NELL1: variants seen among roughly 807,000 people sequenced by gnomAD.
NELL1 encodes neural EGFL like 1.
NELL1 carries 76 observed loss-of-function variants against 107.4 expected under a neutral mutation model. The ratio of observed to expected loss-of-function variants is 0.71; its 90% CI spans 0.59 to 0.86. NELL1 has a LOEUF of 0.86. Among genes scored for constraint, NELL1 ranks in the 40% least tolerant of loss-of-function variants. The pLI is 0.00. For synonymous variants in NELL1, 353 were observed against 341.2 expected, an observed-to-expected ratio of 1.03 and a Z score of -0.38; for missense variants, 1,024 against 1,005.5, an observed-to-expected ratio of 1.02 and a Z score of -0.25.
intron 15 of NELL1, among the ~76,000 whole-genome samples, chr11:21,463,958 A>G (rs1853962090): frequency 6.6e-6 from 1 of 152,094 alleles, no homozygotes; most frequent in African/African-American, 2.4e-5. Context: ...CGCTGGGCTC[A>G]GCTGACACTC....
chr11:21,420,892 A>C (rs867425326), intron 15 of NELL1, among the ~76,000 whole-genome samples: 6 of 152,276 alleles, frequency 3.9e-5, no homozygotes, highest in Middle Eastern at 3.4e-3. Context: ...TCCCTGAGGA[A>C]ATTGATGACT....
chr11:20,945,982 A>G (rs1009050749), intron 10 of NELL1, among the ~76,000 whole-genome samples: 1 of 152,250 alleles, frequency 6.6e-6, no homozygotes, highest in African/African-American at 2.4e-5. Flanking sequence ...TAAGAATGCC[A>G]GAGGCTGGCC....
At chr11:21,526,320 C>A (rs1406682283) in intron 15 of NELL1, among the ~76,000 whole-genome samples, 1 of 152,334 alleles carries the variant, frequency 6.6e-6, no homozygotes, top group Non-Finnish European at 1.5e-5. Context: ...TGGACAACTC[C>A]GCCACTGTGG....
chr11:21,511,659 C>T (rs964264551), intron 15 of NELL1, among the ~76,000 whole-genome samples: 4 of 152,008 alleles, frequency 2.6e-5, no homozygotes, highest in African/African-American at 7.3e-5. Flanking sequence ...ATTTGAACTG[C>T]GAGCTAAATA....
At chr11:21,080,564 A>C (rs922879235) in intron 12 of NELL1, among the ~76,000 whole-genome samples, 1 of 152,016 alleles carries the variant, frequency 6.6e-6, no homozygotes, top group Non-Finnish European at 1.5e-5. Flanking sequence ...CTGTGGCATG[A>C]TTTATTTAAA....
chr11:20,914,857 T>C (rs1406362905), intron 5 of NELL1, among the ~76,000 whole-genome samples: 1 of 152,020 alleles, frequency 6.6e-6, no homozygotes, highest in Non-Finnish European at 1.5e-5. Context: ...TTATGGAAAG[T>C]ATCAAAATGA....
intron 14 of NELL1, among the ~76,000 whole-genome samples, chr11:21,294,697 C>T (rs1849338458): frequency 6.6e-6 from 1 of 151,964 alleles, no homozygotes; most frequent in South Asian, 2.1e-4. Flanking sequence ...CCTGAGGTCA[C>T]ACAACTAACA....
chr11:21,435,995 T>G (rs1316165212), intron 15 of NELL1, among the ~76,000 whole-genome samples: 1 of 152,168 alleles, frequency 6.6e-6, no homozygotes, highest in Non-Finnish European at 1.5e-5. Context: ...AGGAGACTTT[T>G]ATTACTGATT....
chr11:20,741,749 A>G (rs969426414), intron 2 of NELL1, among the ~76,000 whole-genome samples: 1 of 152,172 alleles, frequency 6.6e-6, no homozygotes, highest in Non-Finnish European at 1.5e-5. Flanking sequence ...AACTTCTCTC[A>G]ATTTTCAGAA....
intron 13 of NELL1, among the ~76,000 whole-genome samples, chr11:21,163,639 A>G (rs970091102): frequency 2.0e-5 from 3 of 152,108 alleles, no homozygotes; most frequent in Admixed American, 6.6e-5. Context: ...ACACAAATTT[A>G]TTTCTCATAG....
intron 5 of NELL1, among the ~76,000 whole-genome samples, chr11:20,912,078 T>A (rs1032217624): frequency 6.6e-6 from 1 of 152,196 alleles, no homozygotes; most frequent in Non-Finnish European, 1.5e-5. Flanking sequence ...GCTTTCAGGT[T>A]AAAATAACAT....
In NELL1 at chr11:21,421,905, G is replaced by C. The variant is rs147978406; in HGVS notation, c.1645+50957G>C. On this transcript the variant is annotated intron_variant, in intron 15 of 19. Transcript: ENST00000357134. ...ATCTGGAAAGCGGCAAGAGAGAAGT[G>C]ACTCATCACATGTGAGGAATCCTCA... 9.5e-4 allele frequency among the ~76,000 whole-genome samples: 144 copies of C among 152,236 alleles called. 1 individual carries two copies. Among genetic ancestry groups the C allele is most frequent in the African/African-American group, 3.3e-3 (138 of 41,552 alleles).
At chr11:20,947,837 G>C (rs1850995019) in intron 11 of NELL1, among the ~76,000 whole-genome samples, 2 of 152,094 alleles carry the variant, frequency 1.3e-5, no homozygotes. Context: ...TGTTGGGCCA[G>C]TTCCCATACT....
chr11:21,484,029 A>C (rs1454701356), intron 15 of NELL1, among the ~76,000 whole-genome samples: 1 of 122,314 alleles, frequency 8.2e-6, no homozygotes, highest in Non-Finnish European at 1.7e-5. Flanking sequence ...ATATATATAT[A>C]TATGTCAAAT....
intron 15 of NELL1, among the ~76,000 whole-genome samples, chr11:21,385,942 C>G (rs1021058078): frequency 3.3e-5 from 5 of 151,716 alleles, no homozygotes; most frequent in African/African-American, 1.2e-4. Context: ...ATATCCAGTC[C>G]CCATCTTTTC....
At position 21,285,491 on chromosome 11, in the gene NELL1, A is replaced by G. The variant is rs115046463; in HGVS notation, c.1549+56037A>G. 3.3e-3 allele frequency among the ~76,000 whole-genome samples: 502 copies of G among 152,118 alleles called. 4 individuals are homozygous for G. The highest frequency in any genetic ancestry group is 0.012 in the African/African-American group (479 of 41,480). On this transcript the variant is annotated intron_variant, in intron 14 of 19. Transcript: ENST00000357134. ...AGCAGAGCTGACATAGAATGCTTCC[A>G]CTCCTTCCTAGATAGCCCATCTTTC...
intron 2 of NELL1, among the ~76,000 whole-genome samples, chr11:20,719,780 G>A (rs563534463): frequency 7.1e-4 from 108 of 152,312 alleles, no homozygotes; most frequent in Middle Eastern, 3.4e-3. Flanking sequence ...TGAAATAAGA[G>A]TGAAACTTGG....
chr11:21,208,264 G>A (rs984511179), intron 13 of NELL1, among the ~76,000 whole-genome samples: 3 of 151,662 alleles, frequency 2.0e-5, no homozygotes, highest in Admixed American at 6.6e-5. Flanking sequence ...TAAAAGATAC[G>A]TATTATAAAA....
At position 21,027,282 on chromosome 11, in the gene NELL1, C is replaced by CTAGTTTAGTTTAGTT. The variant is rs60300243; in HGVS notation, c.1300+66767_1300+66781dup. ...TTCCTGTGGTTAATCTGGGAAAAGC[C>CTAGTTTAGTTTAGTT]TAGTTTAGTTTAGTTTAGTTTAGTT... On this transcript the variant is annotated intron_variant, in intron 12 of 19. Transcript: ENST00000357134. Among the ~76,000 whole-genome samples, 636 of 141,000 alleles carry CTAGTTTAGTTTAGTT rather than the reference C, an allele frequency of 4.5e-3. 3 individuals carry two copies. The highest frequency in any genetic ancestry group is 7.4e-3 in the African/African-American group (278 of 37,352). 92.5% of individuals were successfully genotyped at this position (141,000 alleles called of 152,430 possible).
Sources: allele counts gnomAD v4.1 joint callset (sites outside exome capture counted in the v4.1 genomes callset), GRCh38; gene constraint gnomAD v4.1.1; transcripts MANE v1.5; gene names NCBI Gene and HGNC (gene_info 2026-07-23, HGNC 2026-07-21).